Variants in DCLK2 observed in about 807,000 individuals in gnomAD.
The protein encoded by DCLK2 is serine/threonine-protein kinase DCLK2.
Under a neutral mutation model 78.4 loss-of-function variants are expected in DCLK2, and 31 were observed. The ratio of observed to expected loss-of-function variants is 0.40; its 90% confidence interval spans 0.30 to 0.53. The LOEUF (loss-of-function observed/expected upper bound fraction) is 0.53, where lower values mean the gene tolerates loss of function less well. Among genes scored for constraint, DCLK2 ranks in the 20% least tolerant of loss-of-function variants. The pLI is 0.61. For missense variants in DCLK2, 872 were observed against 973.7 expected (o/e 0.90, Z 1.39); for synonymous variants, 407 against 374.9 (o/e 1.09, Z -0.99).
chr4:150,120,288 T>C (rs1732425216), intron 2 of DCLK2, among the ~76,000 whole-genome samples: 1 of 152,320 alleles, frequency 6.6e-6, no homozygotes, highest in African/African-American at 2.4e-5. Flanking sequence ...GTCTTCCATG[T>C]AAAACCCCAA....
At chr4:150,106,160 C>G (rs1048375800) in intron 2 of DCLK2, among the ~76,000 whole-genome samples, 1 of 151,278 alleles carries the variant, frequency 6.6e-6, no homozygotes, top group South Asian at 2.1e-4. Flanking sequence ...GCATTTTCAG[C>G]GAACCGGGTA....
intron 2 of DCLK2, among the ~76,000 whole-genome samples, chr4:150,154,629 C>T (rs1246196732): frequency 3.9e-5 from 6 of 151,982 alleles, no homozygotes; most frequent in Non-Finnish European, 8.8e-5. Context: ...CTTTAAACAC[C>T]TAAAGGAAGC....
Position 150,247,206 on chromosome 4 carries a change from G to A in DCLK2, c.1779-397G>A, listed in dbSNP as rs866936413. ...TTCAAATATTTTCTTGAGTGTGTGT[G>A]TGTGGTAAATATACATAAGAAAATT... On this transcript the variant is annotated intron_variant, in intron 12 of 15. Coordinates refer to ENST00000296550, the MANE Select transcript of DCLK2 (RefSeq NM_001040260.4). 7.9e-5 allele frequency among the ~76,000 whole-genome samples: 12 copies of A among 152,138 alleles called. No homozygotes were observed. The South Asian group carries it at 2.5e-3, about 32-fold the overall frequency.
chr4:150,138,730 G>A (rs1443463319), intron 2 of DCLK2, among the ~76,000 whole-genome samples: 4 of 152,030 alleles, frequency 2.6e-5, no homozygotes, highest in Non-Finnish European at 5.9e-5. Flanking sequence ...GCAGTGGCAC[G>A]ATCTCAGCTC....
chr4:150,185,793 T>G (rs888307822), intron 2 of DCLK2, among the ~76,000 whole-genome samples: 6 of 152,040 alleles, frequency 3.9e-5, no homozygotes, highest in Non-Finnish European at 7.4e-5. Context: ...AGATACCAAA[T>G]AGGGAAAGAA....
At chr4:150,203,770 GTCT>G in intron 4 of DCLK2, 22 bp from the exon 5 acceptor site, 1 of 1,585,658 alleles carries the variant, frequency 6.3e-7, no homozygotes, top group South Asian at 1.1e-5. Flanking sequence ...TGGGACTTCT[GTCT>G]TCTTTGTTGT....
chr4:150,246,175 G>C (rs535144643), intron 12 of DCLK2, among the ~76,000 whole-genome samples: 2 of 151,994 alleles, frequency 1.3e-5, no homozygotes, highest in Admixed American at 6.6e-5. Flanking sequence ...CTCCTGAGTA[G>C]CTGGGATTAC....
intron 2 of DCLK2, among the ~76,000 whole-genome samples, chr4:150,142,230 A>G (rs1426332173): frequency 6.6e-6 from 1 of 152,158 alleles, no homozygotes; most frequent in African/African-American, 2.4e-5. Flanking sequence ...ATTCGCAATC[A>G]GTTTTCAGGA....
At chr4:150,093,380 A>G (rs1730228806) in intron 1 of DCLK2, among the ~76,000 whole-genome samples, 1 of 152,182 alleles carries the variant, frequency 6.6e-6, no homozygotes, top group African/African-American at 2.4e-5. Context: ...AATCCCAATG[A>G]CATATTTATT....
In DCLK2 at chr4:150,202,985, T is replaced by A. The variant is rs148619504; in HGVS notation, c.962-810T>A. On this transcript the variant is annotated intron_variant, in intron 4 of 15. Coordinates refer to ENST00000296550, the MANE Select transcript of DCLK2 (RefSeq NM_001040260.4). ...TTCAAAGTTTTCAAAAACTGAAAAC[T>A]TTTTTCAGTTATTTTTTAAATTTCC... is the stretch of plus-strand genomic sequence containing the variant. 6.5e-3 allele frequency among the ~76,000 whole-genome samples: 991 copies of A among 152,284 alleles called. 7 individuals carry two copies. Among genetic ancestry groups the A allele is most frequent in the African/African-American group, 0.021 (853 of 41,564 alleles).
chr4:150,249,656 G>C lies in DCLK2; in HGVS notation c.2045G>C (p.Ser682Thr), dbSNP rs1217823722. 1 of 1,613,658 alleles carries C rather than the reference G, an allele frequency of 6.2e-7. No homozygotes were observed. Among genetic ancestry groups the C allele is most frequent in the Non-Finnish European group, 8.5e-7 (1 of 1,179,944 alleles). Residue 682 changes from serine (S) to threonine (T), a missense_variant, in exon 15 of 16, where the codon AGC becomes ACC. Ser to Thr is a moderately conservative substitution (Grantham distance 58). Transcript: ENST00000296550. ...AATAATGCGCTCCCCAAACAGAACAGCACTACCACCGGGGTCTCCGTCATC... is the reference window on the plus strand; with the variant it reads ...AATAATGCGCTCCCCAAACAGAACACCACTACCACCGGGGTCTCCGTCATC... ...HFNNALPKQNSTTTGVSVIMN... is the reference protein window; with the variant it reads ...HFNNALPKQNTTTTGVSVIMN...
Position 150,111,481 on chromosome 4 carries a change from A to G in DCLK2, c.756+8669A>G, listed in dbSNP as rs112950246. Among the ~76,000 whole-genome samples, 1,317 of 152,134 alleles carry G rather than the reference A, an allele frequency of 8.7e-3. 8 individuals carry two copies. Among genetic ancestry groups the G allele is most frequent in the Middle Eastern group, 0.014 (4 of 294 alleles). On this transcript the variant is annotated intron_variant, in intron 2 of 15. Transcript: ENST00000296550. ...TGCTGTGCAGAAGCTTCTTAGTTTA[A>G]TTAGGTCTCATTTTATTTATTTTGT...
chr4:150,146,652 G>T (rs1051683414), intron 2 of DCLK2, among the ~76,000 whole-genome samples: 2 of 152,168 alleles, frequency 1.3e-5, no homozygotes, highest in Admixed American at 1.3e-4. Context: ...AAGATCAGAT[G>T]CCATCATACA....
chr4:150,193,019 C>T, intron 2 of DCLK2, 119 bp from the exon 3 acceptor site: 1 of 633,270 alleles, frequency 1.6e-6, no homozygotes, highest in Non-Finnish European at 2.8e-6. Flanking sequence ...AGTTATATTA[C>T]ACAGCTTTCT....
intron 11 of DCLK2, 43 bp from the exon 12 acceptor site, chr4:150,240,356 G>T: frequency 6.4e-7 from 1 of 1,571,510 alleles, no homozygotes; most frequent in Non-Finnish European, 8.8e-7. Flanking sequence ...AAGGGTCTTG[G>T]GAGCCATCAG....
intron 12 of DCLK2, among the ~76,000 whole-genome samples, chr4:150,244,198 G>A (rs1743136270): frequency 6.6e-6 from 1 of 152,146 alleles, no homozygotes; most frequent in Non-Finnish European, 1.5e-5. Context: ...GCCTCTCAAA[G>A]TGTTGAGATT....
intron 13 of DCLK2, 114 bp from the exon 14 acceptor site, chr4:150,248,191 G>C: frequency 1.2e-6 from 1 of 806,152 alleles, no homozygotes; most frequent in East Asian, 2.6e-5. Context: ...GAATCAGTTA[G>C]CAGCTGTGCT....
intron 5 of DCLK2, among the ~76,000 whole-genome samples, chr4:150,208,101 A>G (rs899731463): frequency 6.6e-6 from 1 of 152,172 alleles, no homozygotes; most frequent in Non-Finnish European, 1.5e-5. Flanking sequence ...TACCAAGTAC[A>G]GGGGATTTTC....
At chr4:150,220,977 A>G (rs1479855832) in intron 6 of DCLK2, among the ~76,000 whole-genome samples, 199 bp downstream of exon 6, 1 of 152,242 alleles carries the variant, frequency 6.6e-6, no homozygotes, top group Non-Finnish European at 1.5e-5. Flanking sequence ...GTCATTAACT[A>G]GGTTATTGAA....
Sources: allele counts gnomAD v4.1 joint callset (sites outside exome capture counted in the v4.1 genomes callset), GRCh38; gene constraint gnomAD v4.1.1; transcripts MANE v1.5; gene names NCBI Gene and HGNC (gene_info 2026-07-23, HGNC 2026-07-21).